Variants in KDR observed in about 807,000 individuals in gnomAD.
KDR encodes the protein kinase insert domain receptor, also known as vascular endothelial growth factor receptor 2.
KDR carries 43 observed loss-of-function variants against 160.9 expected under a neutral mutation model. The observed-to-expected ratio is 0.27, with a 90% CI of 0.21 to 0.34. The LOEUF (loss-of-function observed/expected upper bound fraction) is 0.34, where lower values mean the gene tolerates loss of function less well. Among genes scored for constraint, KDR ranks in the 10% least tolerant of loss-of-function variants. The pLI, the probability that KDR is intolerant of heterozygous loss-of-function variation, is 1.00. For missense variants in KDR, 1,469 were observed against 1,666.4 expected (o/e 0.88, Z 2.06); for synonymous variants, 617 against 600.1 (o/e 1.03, Z -0.41).
chr4:55,079,148 T>C lies in KDR; in HGVS notation c.*793A>G, dbSNP rs986936649. The stretch of plus-strand genomic sequence containing the variant: ...TGAGCTGAATGTCCTTTCTTTGTGG[T>C]ATTCTGAATAAAGGATCAGCCTGGG... On this transcript the variant is annotated 3_prime_UTR_variant, in exon 30 of 30. Transcript: ENST00000263923. 2.1e-5 allele frequency: 5 copies of C among 233,258 alleles called. No homozygotes were observed. The highest frequency in any genetic ancestry group is 1.1e-4 in the African/African-American group (5 of 45,332). The allele number at this position is 233,258 out of a possible 1,614,324, so 14.4% of individuals were successfully genotyped here. A position where few individuals can be genotyped will look rare whatever the true frequency, so the allele number is the denominator to read the frequency against.
intron 19 of KDR, 144 bp from the exon 20 acceptor site, chr4:55,095,809 A>T (rs1045677838): frequency 8.4e-5 from 59 of 701,988 alleles, no homozygotes; most frequent in Non-Finnish European, 1.2e-4. Context: ...AGCTGGTCCC[A>T]ATCCCCTTAT....
In KDR at chr4:55,106,610, A is replaced by T. The variant is rs530487755; in HGVS notation, c.1536+77T>A. 18 of 1,062,846 alleles carry T rather than the reference A, an allele frequency of 1.7e-5. No homozygotes were observed. In the South Asian group the frequency reaches 2.2e-4, roughly 13 times the overall value. The allele number at this position is 1,062,846 out of a possible 1,614,324, so 65.8% of individuals were successfully genotyped here. ...CCAGACTATTTGATTATTAATCTCC[A>T]ATATGCCTCACATATTATTGTACCA... is the stretch of plus-strand genomic sequence containing the variant. On this transcript the variant is annotated intron_variant, in intron 11 of 29. Transcript: ENST00000263923.
rs559345398 is a variant in KDR, at chr4:55,118,765, T to C, written c.197A>G (p.Asn66Ser). The C allele has an allele frequency of 1.9e-6, 3 of 1,614,176 alleles. No individual in the cohort carries two copies. Among genetic ancestry groups the C allele is most frequent in the African/African-American group, 2.7e-5 (2 of 75,044 alleles). Residue 66 changes from asparagine (N) to serine (S), a missense_variant, in exon 3 of 30, where the codon AAT (asparagine) becomes AGT (serine). Asn to Ser is a conservative substitution (Grantham distance 46). Coordinates refer to ENST00000263923, the MANE Select transcript of KDR (RefSeq NM_002253.4). ...CACCCTTTGCTCACTGCCACTCTGA[T>C]TATTGGGCCAAAGCCAGTCCAAGTC... ...QRDLDWLWPN[N>S]QSGSEQRVEV...
At chr4:55,098,416 C>A (rs780303721) in intron 16 of KDR, 144 bp from the exon 17 acceptor site, 3 of 1,031,196 alleles carry the variant, frequency 2.9e-6, no homozygotes, top group Non-Finnish European at 1.5e-6. Flanking sequence ...CCTATTATAA[C>A]CCTGCTTCTA....
intron 3 of KDR, among the ~76,000 whole-genome samples, chr4:55,116,826 G>A (rs1048079668): frequency 3.3e-5 from 5 of 152,138 alleles, no homozygotes; most frequent in Non-Finnish European, 7.3e-5. Flanking sequence ...AGAAGACTAG[G>A]GAAGTAAGGT....
chr4:55,111,075 G>T (rs1341988388), intron 7 of KDR, among the ~76,000 whole-genome samples: 2 of 152,114 alleles, frequency 1.3e-5, no homozygotes, highest in African/African-American at 2.4e-5. Context: ...CCCCAGGGAT[G>T]CTTGGGTGCT....
Position 55,105,989 on chromosome 4 carries a change from G to C in KDR, c.1537-49C>G, listed in dbSNP as rs1288010070. 8 of 1,147,894 alleles carry C rather than the reference G, an allele frequency of 7.0e-6. No homozygotes were observed. The African/African-American group carries it at 1.1e-4, about 15-fold the overall frequency. The allele number at this position is 1,147,894 out of a possible 1,614,324, so 71.1% of individuals were successfully genotyped here. A position where few individuals can be genotyped will look rare whatever the true frequency, so the allele number is the denominator to read the frequency against. On this transcript the variant is annotated intron_variant, in intron 11 of 29. Coordinates refer to ENST00000263923, the MANE Select transcript of KDR (RefSeq NM_002253.4). Reference sequence around the variant, plus strand: ...CAGGCCATAAACAACGCGGCTGTTTGTGCACAAGCACTCAGTCCAGCAGTC... The same window carrying C: ...CAGGCCATAAACAACGCGGCTGTTTCTGCACAAGCACTCAGTCCAGCAGTC...
rs112968083 is a variant in KDR, at chr4:55,092,331, G to C, written c.3069+286C>G. 1.0e-4 allele frequency: 44 copies of C among 435,352 alleles called. 1 individual carries two copies. The highest frequency in any genetic ancestry group is 7.8e-4 in the African/African-American group (39 of 50,048). 27.0% of individuals were successfully genotyped at this position (435,352 alleles called of 1,614,324 possible). A position where few individuals can be genotyped will look rare whatever the true frequency, so the allele number is the denominator to read the frequency against. On this transcript the variant is annotated intron_variant, in intron 22 of 29. Transcript: ENST00000263923. ...CCACTAGAACTGTAAACTCCATGAA[G>C]GTGAAGAGCTTTGCCTGATTGTTCA...
At chr4:55,111,408 C>G (rs567542798) in intron 7 of KDR, among the ~76,000 whole-genome samples, 2 of 152,134 alleles carry the variant, frequency 1.3e-5, no homozygotes, top group Non-Finnish European at 2.9e-5. Flanking sequence ...TGCTAACGCT[C>G]GAGTCATCTT....
chr4:55,110,627 T>A (rs2110027798), intron 8 of KDR, 27 bp downstream of exon 8: 1 of 1,610,958 alleles, frequency 6.2e-7, no homozygotes, highest in Non-Finnish European at 8.5e-7. Context: ...CACGAAATGA[T>A]GCTTTGCATT....
chr4:55,102,021 T>C lies in KDR; in HGVS notation c.2142A>G (p.Val714=), dbSNP rs761751529. The C allele has an allele frequency of 1.2e-6, 2 of 1,613,620 alleles. No individual in the cohort carries two copies. The highest frequency in any genetic ancestry group is 2.2e-5 in the South Asian group (2 of 91,086). Residue 714 remains valine (V), a synonymous_variant, in exon 15 of 30, where the codon GTA becomes GTG. Coordinates refer to ENST00000263923, the MANE Select transcript of KDR (RefSeq NM_002253.4). ...TGAGGTTCCGGTTCCCATCCTTCAA[T>C]ACAATGCCTAACAGAGGAAGAAAAC... The part of the protein sequence containing the change: ...NETLVEDSGI[V]LKDGNRNLTI...
chr4:55,085,657 G>A (rs541373948), intron 27 of KDR, among the ~76,000 whole-genome samples: 75 of 152,334 alleles, frequency 4.9e-4, no homozygotes, highest in African/African-American at 1.6e-3. Context: ...AGGTGGAGGA[G>A]GTGGAGAGGA....
chr4:55,098,942 G>A (rs537124349), intron 15 of KDR, 139 bp from the exon 16 acceptor site: 59 of 573,610 alleles, frequency 1.0e-4, no homozygotes, highest in Middle Eastern at 7.2e-4. Flanking sequence ...TTACACACCC[G>A]TAACTTGAAT....
intron 29 of KDR, among the ~76,000 whole-genome samples, chr4:55,080,957 T>G (rs1719718547): frequency 6.6e-6 from 1 of 152,254 alleles, no homozygotes; most frequent in African/African-American, 2.4e-5. Context: ...TTATACATAG[T>G]TTAAAAGTTA....
In KDR at chr4:55,098,781, C is replaced by T. The variant is rs2110018232; in HGVS notation, c.2289G>A (p.Leu763=). The T allele has an allele frequency of 6.2e-7, 1 of 1,612,934 alleles. No homozygotes were observed. The highest frequency in any genetic ancestry group is 8.5e-7 in the Non-Finnish European group (1 of 1,179,218). ...IIEGAQEKTN[L]EIIILVGTAV... The stretch of plus-strand genomic sequence containing the variant: ...CCGTGCCTACTAGAATAATGATTTC[C>T]AAGTTCGTCTTTTCCTGGGCACCTG... The change falls in exon 16 of 30, where the codon TTG becomes TTA. Residue 763 remains leucine (L), a synonymous_variant. Transcript: ENST00000263923.
chr4:55,100,459 T>C (rs1394380143), intron 15 of KDR, among the ~76,000 whole-genome samples: 1 of 152,306 alleles, frequency 6.6e-6, no homozygotes, highest in East Asian at 1.9e-4. Context: ...TCTGCCTTTC[T>C]TAGCATTCAC....
intron 13 of KDR, 78 bp from the exon 14 acceptor site, chr4:55,102,586 C>T (rs1161761586): frequency 4.0e-6 from 6 of 1,508,084 alleles, no homozygotes; most frequent in African/African-American, 1.4e-5. Context: ...AACTTTTAAA[C>T]AGTTTAAATT....
rs1418831260 is a variant in KDR, at chr4:55,098,718, G to A, written c.2352C>T (p.Ile784=). Residue 784 remains isoleucine, a synonymous_variant, in exon 16 of 30, where the codon ATC becomes ATT. Coordinates refer to ENST00000263923, the MANE Select transcript of KDR (RefSeq NM_002253.4). ...IAMFFWLLLV[I]ILRTVKRANG... ...TTACCCGCTTAACGGTCCGTAGGATGATGACAAGAAGTAGCCAGAAGAACA... is the reference window on the plus strand; with the variant it reads ...TTACCCGCTTAACGGTCCGTAGGATAATGACAAGAAGTAGCCAGAAGAACA... The A allele has an allele frequency of 6.2e-7, 1 of 1,612,650 alleles. No homozygotes were observed. The highest frequency in any genetic ancestry group is 1.7e-4 in the Middle Eastern group (1 of 6,056).
intron 6 of KDR, 104 bp downstream of exon 6, chr4:55,114,020 GCT>G: frequency 8.8e-7 from 1 of 1,136,014 alleles, no homozygotes; most frequent in Non-Finnish European, 1.3e-6. Context: ...TGTGTTTAAG[GCT>G]CTTACATTTT....
Sources: gnomAD v4.1 joint callset for allele counts (sites outside exome capture counted in the v4.1 genomes callset) on GRCh38, gnomAD v4.1.1 for gene constraint, MANE v1.5 for transcripts, NCBI Gene and HGNC (gene_info 2026-07-23, HGNC 2026-07-21) for gene names.